NRCAM: variants seen among roughly 807,000 people sequenced by gnomAD.
The protein encoded by NRCAM is neuronal cell adhesion molecule.
A neutral mutation model predicts 156.5 loss-of-function variants in NRCAM; 83 were observed. The observed-to-expected ratio is 0.53, with a 90% CI of 0.44 to 0.64. The LOEUF (loss-of-function observed/expected upper bound fraction) is 0.64. Ranked by LOEUF, NRCAM falls within the 30% of genes least tolerant of loss-of-function variation. The pLI is 0.00. For missense variants in NRCAM, 1,417 were observed against 1,597.3 expected, an observed-to-expected ratio of 0.89 and a Z score of 1.92; for synonymous variants, 538 against 563.9, an observed-to-expected ratio of 0.95 and a Z score of 0.65.
chr7:108,289,031 G>T (rs886631681), intron 3 of NRCAM, among the ~76,000 whole-genome samples: 2 of 152,010 alleles, frequency 1.3e-5, no homozygotes, highest in African/African-American at 4.8e-5. Flanking sequence ...CTGAAACTTC[G>T]CTGAAACAAA....
rs1346916013 is a variant in NRCAM at position 108,147,807 on chromosome 7, C to T, written c.*2103G>A. Reference sequence around the variant, plus strand: ...TAAAACCACATTTAATTTTTAATACCAAATCTGTTGCACTATTACAGAAGT... The same window carrying T: ...TAAAACCACATTTAATTTTTAATACTAAATCTGTTGCACTATTACAGAAGT... On this transcript the variant is annotated 3_prime_UTR_variant, in exon 33 of 33. Transcript: ENST00000379028. 6.6e-6 allele frequency: 1 copy of T among 152,524 alleles called. No individual in the cohort carries two copies. The highest frequency in any genetic ancestry group is 1.5e-5 in the Non-Finnish European group (1 of 68,028). 9.4% of individuals were successfully genotyped at this position (152,524 alleles called of 1,614,324 possible).
intron 3 of NRCAM, among the ~76,000 whole-genome samples, chr7:108,251,213 TAAG>T (rs1310400189): frequency 2.6e-5 from 4 of 152,080 alleles, no homozygotes; most frequent in African/African-American, 9.7e-5. Flanking sequence ...AAAAGTGAGA[TAAG>T]GAGGACAAAG....
chr7:108,315,237 T>C (rs1477998382), intron 2 of NRCAM, among the ~76,000 whole-genome samples: 1 of 152,194 alleles, frequency 6.6e-6, no homozygotes, highest in Non-Finnish European at 1.5e-5. Flanking sequence ...ATTTGACTAG[T>C]AGTAAAATCA....
intron 13 of NRCAM, among the ~76,000 whole-genome samples, chr7:108,202,889 C>T (rs1426089933): frequency 6.6e-6 from 1 of 152,152 alleles, no homozygotes; most frequent in African/African-American, 2.4e-5. Context: ...ACGTTTCATG[C>T]AGAAGAGTCT....
At chr7:108,445,535 A>G (rs376700218) in intron 1 of NRCAM, among the ~76,000 whole-genome samples, 10 of 152,192 alleles carry the variant, frequency 6.6e-5, no homozygotes, top group East Asian at 3.8e-4. Flanking sequence ...AATAACACAG[A>G]TTTACGTCAT....
intron 3 of NRCAM, among the ~76,000 whole-genome samples, chr7:108,248,961 GGAT>G (rs71137618): frequency 0.026 from 3,944 of 151,790 alleles, 168 homozygotes; most frequent in African/African-American, 0.09. Flanking sequence ...TCAGGGAGCA[GGAT>G]GATGATGATG....
chr7:108,165,253 G>T (rs984305199), intron 30 of NRCAM, among the ~76,000 whole-genome samples: 2 of 152,140 alleles, frequency 1.3e-5, no homozygotes, highest in Non-Finnish European at 2.9e-5. Flanking sequence ...GTATAGTGAG[G>T]CCTTTCTTCT....
intron 2 of NRCAM, among the ~76,000 whole-genome samples, chr7:108,387,909 T>C (rs2099746395): frequency 6.6e-6 from 1 of 152,212 alleles, no homozygotes; most frequent in Non-Finnish European, 1.5e-5. Context: ...TATGGCTGCA[T>C]AGTATTCCAT....
At chr7:108,309,573 T>C (rs562652003) in intron 3 of NRCAM, among the ~76,000 whole-genome samples, 11 of 152,280 alleles carry the variant, frequency 7.2e-5, no homozygotes, top group East Asian at 1.9e-4. Context: ...GTATTAAAAA[T>C]TGGCCAGGCA....
chr7:108,294,963 G>A (rs1193546961), intron 3 of NRCAM, among the ~76,000 whole-genome samples: 1 of 152,130 alleles, frequency 6.6e-6, no homozygotes, highest in African/African-American at 2.4e-5. Flanking sequence ...CACCACACAT[G>A]AAAAACGTTT....
At chr7:108,238,456 T>A (rs1207302426) in intron 4 of NRCAM, among the ~76,000 whole-genome samples, 1 of 152,158 alleles carries the variant, frequency 6.6e-6, no homozygotes, top group Non-Finnish European at 1.5e-5. Context: ...ATTCAAATCA[T>A]TCCACAGTGC....
At chr7:108,221,375 T>C (rs551969387) in intron 11 of NRCAM, among the ~76,000 whole-genome samples, 1 of 152,274 alleles carries the variant, frequency 6.6e-6, no homozygotes, top group Non-Finnish European at 1.5e-5. Context: ...AAGAAGTCAT[T>C]ATACAGAAAA....
intron 2 of NRCAM, among the ~76,000 whole-genome samples, chr7:108,379,915 A>T (rs2099693491): frequency 6.6e-6 from 1 of 152,174 alleles, no homozygotes; most frequent in South Asian, 2.1e-4. Flanking sequence ...TTTGGGTTTC[A>T]AATGGAGGAG....
chr7:108,251,940 A>T (rs996712407), intron 3 of NRCAM, among the ~76,000 whole-genome samples: 2 of 151,866 alleles, frequency 1.3e-5, no homozygotes, highest in East Asian at 1.9e-4. Flanking sequence ...AAGACTGTTT[A>T]AAAAAAAATT....
chr7:108,194,211 G>A (rs923038602), intron 16 of NRCAM, 40 bp from the exon 17 acceptor site: 4 of 1,611,496 alleles, frequency 2.5e-6, no homozygotes, highest in East Asian at 2.2e-5. Flanking sequence ...GGCAAAGCTG[G>A]AGAATTTGTT....
At chr7:108,313,079 A>G (rs2098825708) in intron 2 of NRCAM, 1 of 152,082 alleles carries the variant, frequency 6.6e-6, no homozygotes, top group African/African-American at 2.4e-5. Flanking sequence ...TATTATTATT[A>G]TTATTTAAAT....
chr7:108,170,631 A>G (rs925754897), intron 28 of NRCAM, among the ~76,000 whole-genome samples: 15 of 152,222 alleles, frequency 9.9e-5, no homozygotes, highest in African/African-American at 2.4e-4. Flanking sequence ...ATAACTCCCT[A>G]AAGTGTATAA....
intron 3 of NRCAM, among the ~76,000 whole-genome samples, chr7:108,255,811 C>CA (rs2096613641): frequency 2.0e-5 from 3 of 149,916 alleles, no homozygotes; most frequent in Admixed American, 6.6e-5. Flanking sequence ...AGCGTCTCTG[C>CA]CGGGCTGCCC....
At chr7:108,181,739 C>A in intron 24 of NRCAM, 83 bp downstream of exon 24, 2 of 818,492 alleles carry the variant, frequency 2.4e-6, no homozygotes, top group Non-Finnish European at 3.9e-6. Flanking sequence ...ACAAATAAGC[C>A]CCACCTCCTG....
Sources: allele counts gnomAD v4.1 joint callset (sites outside exome capture counted in the v4.1 genomes callset), GRCh38; gene constraint gnomAD v4.1.1; transcripts MANE v1.5; gene names NCBI Gene and HGNC (gene_info 2026-07-23, HGNC 2026-07-21).